Variants in DCDC2C observed in about 807,000 individuals in gnomAD.
DCDC2C encodes the protein doublecortin domain-containing protein 2C.
DCDC2C carries 44 observed loss-of-function variants against 45.0 expected under a neutral mutation model. The observed-to-expected ratio is 0.98, with a 90% CI of 0.77 to 1.26. DCDC2C has a LOEUF of 1.26. Ranked by LOEUF, DCDC2C falls within the 50% of genes most tolerant of loss-of-function variation. The probability of loss-of-function intolerance (pLI) is 0.00; values close to 1 mark genes in which losing one functional copy is unlikely to be tolerated. For missense variants in DCDC2C, 447 were observed against 468.9 expected (o/e 0.95, Z 0.43); for synonymous variants, 187 against 178.8 (o/e 1.05, Z -0.37).
intron 2 of DCDC2C, among the ~76,000 whole-genome samples, chr2:3,708,918 GTTA>G (rs1406461661): frequency 1.3e-5 from 2 of 152,162 alleles, no homozygotes; most frequent in African/African-American, 4.8e-5. Context: ...CTCAGGAAAA[GTTA>G]TTTAGAGTTA....
At chr2:3,807,835 C>T (rs138581002) in intron 10 of DCDC2C, among the ~76,000 whole-genome samples, 43 of 152,184 alleles carry the variant, frequency 2.8e-4, no homozygotes, top group Admixed American at 1.4e-3. Context: ...GGAGCATACG[C>T]GCCTCTGTCA....
chr2:3,780,014 C>T (rs1670468131), intron 9 of DCDC2C, among the ~76,000 whole-genome samples: 1 of 152,176 alleles, frequency 6.6e-6, no homozygotes, highest in Non-Finnish European at 1.5e-5. Flanking sequence ...AAACAGAATA[C>T]ACTTGTAAAA....
In DCDC2C at chr2:3,775,191, GCT is replaced by G. The variant is rs1432235052; in HGVS notation, c.955-3622_955-3621del. Among the ~76,000 whole-genome samples the G allele has an allele frequency of 1.1e-3, 120 of 107,026 alleles. 2 individuals are homozygous for G. Among genetic ancestry groups the G allele is most frequent in the African/African-American group, 4.2e-3 (114 of 27,206 alleles). The allele number at this position is 107,026 out of a possible 152,430, so 70.2% of individuals were successfully genotyped here. On this transcript the variant is annotated intron_variant, in intron 8 of 10. Coordinates refer to ENST00000399143, the MANE Select transcript of DCDC2C (RefSeq NM_001287444.2). The stretch of plus-strand genomic sequence containing the variant: ...TGTGGCTGTGGGCTAGGCAGCTGTG[GCT>G]CTGAGCTAGGCAGCTGTGGCTGTGG...
intron 3 of DCDC2C, among the ~76,000 whole-genome samples, chr2:3,732,433 AAT>A (rs925862816): frequency 6.6e-6 from 1 of 151,868 alleles, no homozygotes; most frequent in East Asian, 1.9e-4. Flanking sequence ...TATATGATAT[AAT>A]ATATATATAT....
chr2:3,842,637 T>TA (rs3067135), intron 10 of DCDC2C, among the ~76,000 whole-genome samples: 7,134 of 139,198 alleles, frequency 0.051, 383 homozygotes, highest in African/African-American at 0.14. Flanking sequence ...TAATTTGCAG[T>TA]AAAAAAAAAA....
At chr2:3,778,772 T>C in intron 8 of DCDC2C, 44 bp from the exon 9 acceptor site, 1 of 1,531,798 alleles carries the variant, frequency 6.5e-7, no homozygotes, top group Non-Finnish European at 8.8e-7. Context: ...TTAAAAGGAG[T>C]TCCACATAAG....
intron 5 of DCDC2C, among the ~76,000 whole-genome samples, chr2:3,753,967 C>T (rs1307388981): frequency 1.3e-5 from 2 of 152,178 alleles, no homozygotes; most frequent in Non-Finnish European, 2.9e-5. Context: ...CCTAATAGCA[C>T]AGTGAGGAGG....
chr2:3,732,946 G>A (rs572099192), intron 3 of DCDC2C, among the ~76,000 whole-genome samples: 1 of 152,236 alleles, frequency 6.6e-6, no homozygotes, highest in South Asian at 2.1e-4. Context: ...TGCAGTCTTC[G>A]ACTAATATAT....
intron 2 of DCDC2C, among the ~76,000 whole-genome samples, chr2:3,726,533 A>T (rs1239003307): frequency 6.6e-6 from 1 of 152,246 alleles, no homozygotes; most frequent in Non-Finnish European, 1.5e-5. Context: ...GAGAAGGCGG[A>T]GGGGCTCCCG....
chr2:3,789,784 T>A (rs747954527), intron 10 of DCDC2C, among the ~76,000 whole-genome samples: 93 of 152,364 alleles, frequency 6.1e-4, no homozygotes, highest in Non-Finnish European at 1.0e-3. Context: ...AAGAGAGATT[T>A]GATCCTCTTG....
chr2:3,801,300 G>A (rs1242747398), intron 10 of DCDC2C, among the ~76,000 whole-genome samples: 1 of 152,210 alleles, frequency 6.6e-6, no homozygotes, highest in Admixed American at 6.5e-5. Flanking sequence ...TGTGACCTAT[G>A]TACGTAACCT....
intron 8 of DCDC2C, among the ~76,000 whole-genome samples, chr2:3,773,021 T>C (rs1460113263): frequency 6.6e-6 from 1 of 152,224 alleles, no homozygotes; most frequent in African/African-American, 2.4e-5. Context: ...TCCAGTGATC[T>C]CAGTTACCTG....
At chr2:3,825,584 A>AGTG (rs1328069614) in intron 10 of DCDC2C, among the ~76,000 whole-genome samples, 1 of 152,174 alleles carries the variant, frequency 6.6e-6, no homozygotes, top group African/African-American at 2.4e-5. Flanking sequence ...GAGAGCTTGC[A>AGTG]GTGACCCATG....
intron 10 of DCDC2C, among the ~76,000 whole-genome samples, chr2:3,793,147 G>C (rs375271128): frequency 1.1e-4 from 16 of 152,012 alleles, no homozygotes; most frequent in African/African-American, 3.6e-4. Flanking sequence ...ATACAAACTC[G>C]CATTTGCTGT....
At chr2:3,717,295 A>T (rs1359245317) in intron 2 of DCDC2C, among the ~76,000 whole-genome samples, 2 of 152,132 alleles carry the variant, frequency 1.3e-5, no homozygotes, top group African/African-American at 4.8e-5. Flanking sequence ...GACATCTCAA[A>T]CTCAGCATGT....
In DCDC2C at chr2:3,734,105, G is replaced by A. The variant is rs1051129521; in HGVS notation, c.416+7026G>A. Among the ~76,000 whole-genome samples the A allele has an allele frequency of 6.6e-6, 1 of 152,188 alleles. No homozygotes were observed. Among genetic ancestry groups the A allele is most frequent in the Non-Finnish European group, 1.5e-5 (1 of 68,026 alleles). On this transcript the variant is annotated intron_variant, in intron 3 of 10. Coordinates refer to ENST00000399143, the MANE Select transcript of DCDC2C (RefSeq NM_001287444.2). The surrounding 1 kb of genome is among the most constrained non-coding windows in gnomAD (Gnocchi z 4.2). ...TTTGACTGGGCTACCGGCTGCTGTC[G>A]TAAATCCCCCATTTCCGTGGCACAC...
In DCDC2C at chr2:3,774,509, C is replaced by G. The variant is rs1241709553; in HGVS notation, c.955-4307C>G. On this transcript the variant is annotated intron_variant, in intron 8 of 10. Coordinates refer to ENST00000399143, the MANE Select transcript of DCDC2C (RefSeq NM_001287444.2). Reference sequence around the variant, plus strand: ...TTGTCTCCTCATGATCTCAAGGTGGCAGTCTCTGCTGTGGCTGGCACACTG... The same window carrying G: ...TTGTCTCCTCATGATCTCAAGGTGGGAGTCTCTGCTGTGGCTGGCACACTG... 3.3e-5 allele frequency among the ~76,000 whole-genome samples: 5 copies of G among 152,208 alleles called. No homozygotes were observed. The East Asian group carries it at 9.6e-4, about 29-fold the overall frequency.
chr2:3,745,623 ATTAT>A (rs1175398022), intron 4 of DCDC2C, among the ~76,000 whole-genome samples: 1 of 152,248 alleles, frequency 6.6e-6, no homozygotes, highest in East Asian at 1.9e-4. Flanking sequence ...CATTTGAGAC[ATTAT>A]TTATATTTCT....
chr2:3,769,536 C>T lies in DCDC2C; in HGVS notation c.954+125C>T, dbSNP rs984280688. 26 of 852,586 alleles carry T rather than the reference C, an allele frequency of 3.0e-5. No homozygotes were observed. The Admixed American group carries it at 6.0e-4, about 20-fold the overall frequency. The allele number at this position is 852,586 out of a possible 1,614,324, so 52.8% of individuals were successfully genotyped here. A position where few individuals can be genotyped will look rare whatever the true frequency, so the allele number is the denominator to read the frequency against. The stretch of plus-strand genomic sequence containing the variant: ...CTGGACTCTAGAATGTTCTGTGTTC[C>T]TCCTAGTTAGAGACTGCTCATCTCA... On this transcript the variant is annotated intron_variant, in intron 8 of 10. Coordinates refer to ENST00000399143, the MANE Select transcript of DCDC2C (RefSeq NM_001287444.2).
Sources: gnomAD v4.1 joint callset for allele counts (sites outside exome capture counted in the v4.1 genomes callset) on GRCh38, gnomAD v4.1.1 for gene constraint, Gnocchi (gnomAD v3.1) non-coding constraint, MANE v1.5 for transcripts, NCBI Gene and HGNC (gene_info 2026-07-23, HGNC 2026-07-21) for gene names.